The following TTC12 variants were observed in gnomAD, a reference collection of about 807,000 sequenced individuals.
TTC12 encodes the protein tetratricopeptide repeat domain 12.
A neutral mutation model predicts 90.1 loss-of-function variants in TTC12; 70 were observed. That is an observed-to-expected ratio of 0.78 (90% CI 0.64 to 0.95). TTC12 has a LOEUF of 0.95. TTC12 is among the 40% of genes least tolerant of loss of function. The pLI is 0.00. For missense variants in TTC12, 819 were observed against 846.1 expected (o/e 0.97, Z 0.40); for synonymous variants, 296 against 311.5 (o/e 0.95, Z 0.53).
chr11:113,340,616 G>C lies in TTC12; in HGVS notation c.827-48G>C. 2.0e-6 allele frequency: 3 copies of C among 1,491,846 alleles called. No individual in the cohort carries two copies. The South Asian group carries it at 3.4e-5, about 17-fold the overall frequency. The allele number at this position is 1,491,846 out of a possible 1,614,324, so 92.4% of individuals were successfully genotyped here. On this transcript the variant is annotated intron_variant, in intron 10 of 21. Coordinates refer to ENST00000529221, the MANE Select transcript of TTC12 (RefSeq NM_017868.4). ...GTGGCTGTGTTGCAGCGAGACACCA[G>C]CCAGCCAGTTTGGGAGTCTGAAGTG...
At chr11:113,342,310 A>G (rs1394713358) in intron 12 of TTC12, among the ~76,000 whole-genome samples, 2 of 152,132 alleles carry the variant, frequency 1.3e-5, no homozygotes, top group African/African-American at 4.8e-5. Context: ...CATCCCTGCC[A>G]ATATCTTCAG....
intron 18 of TTC12, among the ~76,000 whole-genome samples, chr11:113,361,226 T>C (rs1949904322): frequency 6.6e-6 from 1 of 152,194 alleles, no homozygotes; most frequent in South Asian, 2.1e-4. Flanking sequence ...GGAAACAAGA[T>C]TGATAATACA....
downstream of TTC12, among the ~76,000 whole-genome samples, chr11:113,369,696 A>G (rs1950331106): frequency 6.6e-6 from 1 of 152,238 alleles, no homozygotes; most frequent in African/African-American, 2.4e-5. Context: ...AAGTCACCAC[A>G]TTTCTCAGAG....
At chr11:113,345,172 A>G (rs1266992190) in intron 13 of TTC12, among the ~76,000 whole-genome samples, 1 of 152,216 alleles carries the variant, frequency 6.6e-6, no homozygotes, top group African/African-American at 2.4e-5. Flanking sequence ...CATGCCAGCC[A>G]TTTTATGTGG....
At chr11:113,323,485 T>G in intron 3 of TTC12, 34 bp downstream of exon 3, 1 of 1,472,230 alleles carries the variant, frequency 6.8e-7, no homozygotes, top group Non-Finnish European at 9.1e-7. Flanking sequence ...ATATAAGTAC[T>G]TACAGTGAGA....
At chr11:113,363,000 G>C (rs1950016891) in intron 19 of TTC12, among the ~76,000 whole-genome samples, 1 of 152,232 alleles carries the variant, frequency 6.6e-6, no homozygotes, top group Non-Finnish European at 1.5e-5. Flanking sequence ...CAGTAGAGCA[G>C]TTATCTGGAT....
intron 18 of TTC12, among the ~76,000 whole-genome samples, chr11:113,361,444 C>T (rs1166059085): frequency 1.3e-4 from 20 of 152,132 alleles, no homozygotes; most frequent in Non-Finnish European, 2.6e-4. Flanking sequence ...GTATGGAGTA[C>T]AAATGGAGGA....
chr11:113,318,039 G>T (rs949950125), intron 2 of TTC12, among the ~76,000 whole-genome samples: 3 of 152,132 alleles, frequency 2.0e-5, no homozygotes, highest in African/African-American at 7.2e-5. Context: ...TTGAAATGCG[G>T]CTTGTTTCAA....
At chr11:113,343,304 A>G (rs1948780282) in intron 12 of TTC12, among the ~76,000 whole-genome samples, 1 of 152,246 alleles carries the variant, frequency 6.6e-6, no homozygotes, top group Admixed American at 6.5e-5. Flanking sequence ...TATTTATATC[A>G]AGGTACTTTT....
chr11:113,322,488 G>A (rs1376919004), intron 2 of TTC12, among the ~76,000 whole-genome samples: 4 of 152,086 alleles, frequency 2.6e-5, no homozygotes, highest in African/African-American at 9.7e-5. Context: ...GGAAGTCGAT[G>A]GCATCTCTTT....
chr11:113,349,087 G>T (rs529181023), intron 13 of TTC12, among the ~76,000 whole-genome samples: 3 of 152,178 alleles, frequency 2.0e-5, no homozygotes, highest in Non-Finnish European at 2.9e-5. Flanking sequence ...TGACCACATT[G>T]CCTGGTACAC....
At chr11:113,316,192 C>A in intron 1 of TTC12, 51 bp from the exon 2 acceptor site, 1 of 895,610 alleles carries the variant, frequency 1.1e-6, no homozygotes, top group Non-Finnish European at 1.6e-6. Context: ...CCTGACCGTT[C>A]TGTTTAGTGC....
Position 113,341,881 on chromosome 11 carries a change from G to A in TTC12, c.941G>A (p.Cys314Tyr), listed in dbSNP as rs1258112736. 3 of 1,614,100 alleles carry A rather than the reference G, an allele frequency of 1.9e-6. No individual in the cohort carries two copies. The highest frequency in any genetic ancestry group is 1.3e-5 in the African/African-American group (1 of 74,928). Reference protein sequence around the residue: ...AGNDAVEEMVCVSVLKLWQAV... With the variant: ...AGNDAVEEMVYVSVLKLWQAV... ...AATGATGCAGTTGAAGAAATGGTCT[G>A]TGTGTCTGTTCTCAAGCTCTGGCAA... Residue 314 changes from cysteine (C) to tyrosine (Y), a missense_variant, in exon 12 of 22, where the codon TGT becomes TAT. Cys to Tyr is a radical substitution (Grantham distance 194, BLOSUM62 -2). Transcript: ENST00000529221.
intron 3 of TTC12, 86 bp from the exon 4 acceptor site, chr11:113,323,908 G>T (rs951354374): frequency 3.5e-5 from 37 of 1,044,410 alleles, no homozygotes; most frequent in Non-Finnish European, 4.7e-5. Context: ...GTTTGTAATT[G>T]ATTTGCCTTC....
chr11:113,351,164 ACTAT>A (rs1949266626), intron 14 of TTC12, 71 bp from the exon 15 acceptor site: 4 of 1,390,658 alleles, frequency 2.9e-6, no homozygotes, highest in Non-Finnish European at 3.1e-6. Flanking sequence ...TGCAACATTA[ACTAT>A]CTGAGACACT....
chr11:113,316,314 C>G lies in TTC12; in HGVS notation c.57C>G (p.Ile19Met). 7.1e-7 allele frequency: 1 copy of G among 1,405,136 alleles called. No individual in the cohort carries two copies. The allele number at this position is 1,405,136 out of a possible 1,614,324, so 87.0% of individuals were successfully genotyped here. ...AATTTCTTAAAAATGTGGATGAAAT[C>G]TGTAAGTACTAGTAAATCATAAATT... is the stretch of plus-strand genomic sequence containing the variant. ...LQKFLKNVDE[I>M]SNLIQEMNSD... is the part of the protein sequence containing the mutation. Residue 19 changes from isoleucine (I) to methionine (M), a missense_variant and splice_region_variant, in exon 2 of 22, where the codon ATC becomes ATG. Ile to Met is a conservative substitution (Grantham distance 10). Transcript: ENST00000529221.
intron 12 of TTC12, 145 bp from the exon 13 acceptor site, chr11:113,344,127 T>A: frequency 5.3e-6 from 5 of 940,578 alleles, no homozygotes; most frequent in Non-Finnish European, 7.9e-6. Flanking sequence ...AGCAGTCTGG[T>A]TCTAGAATCC....
chr11:113,326,226 A>G (rs1947687670), intron 6 of TTC12, among the ~76,000 whole-genome samples: 1 of 152,212 alleles, frequency 6.6e-6, no homozygotes, highest in Admixed American at 6.5e-5. Flanking sequence ...ATTTCCTGGA[A>G]CACCAGGTAA....
Position 113,346,088 on chromosome 11 carries a change from C to T in TTC12, c.1154+1648C>T, listed in dbSNP as rs538753462. ...GCTGCACATAGCCCCTTGACCGTCA[C>T]GGCAGCACACGTATCACATTCCTCC... On this transcript the variant is annotated intron_variant, in intron 13 of 21. Transcript: ENST00000529221. Among the ~76,000 whole-genome samples, 30 of 152,268 alleles carry T rather than the reference C, an allele frequency of 2.0e-4. No individual in the cohort carries two copies. The South Asian group carries it at 2.9e-3, about 15-fold the overall frequency.
Sources: gnomAD v4.1 joint callset for allele counts (sites outside exome capture counted in the v4.1 genomes callset) on GRCh38, gnomAD v4.1.1 for gene constraint, MANE v1.5 for transcripts, NCBI Gene and HGNC (gene_info 2026-07-23, HGNC 2026-07-21) for gene names.